Variants in EHD3 observed in about 807,000 individuals in gnomAD.
The protein encoded by EHD3 is EH domain-containing protein 3.
A neutral mutation model predicts 43.0 loss-of-function variants in EHD3; 17 were observed. The observed-to-expected ratio is 0.40, with a 90% CI of 0.27 to 0.59. EHD3 has a LOEUF of 0.59. Ranked by LOEUF, EHD3 falls within the 20% of genes least tolerant of loss-of-function variation. The pLI is 0.49. For missense variants in EHD3, 594 were observed against 705.6 expected, an observed-to-expected ratio of 0.84 and a Z score of 1.79; for synonymous variants, 313 against 289.5, an observed-to-expected ratio of 1.08 and a Z score of -0.82.
At chr2:31,261,304 A>C (rs1446891326) in intron 4 of EHD3, among the ~76,000 whole-genome samples, 1 of 152,178 alleles carries the variant, frequency 6.6e-6, no homozygotes, top group Non-Finnish European at 1.5e-5. Flanking sequence ...CAGCAGCAAC[A>C]TGACCACCTC....
intron 3 of EHD3, among the ~76,000 whole-genome samples, chr2:31,257,149 T>G (rs685524): frequency 0.76 from 116,053 of 152,092 alleles, 44,945 homozygotes; most frequent in East Asian, 0.94. Context: ...TTGTGGAGGG[T>G]CCCTACTGCC....
In EHD3 at chr2:31,239,448, G is replaced by A. The variant is rs116141265; in HGVS notation, c.227+4600G>A. Among the ~76,000 whole-genome samples, 1,040 of 152,340 alleles carry A rather than the reference G, an allele frequency of 6.8e-3. 13 individuals carry two copies. The highest frequency in any genetic ancestry group is 0.024 in the African/African-American group (989 of 41,582). On this transcript the variant is annotated intron_variant, in intron 1 of 5. Coordinates refer to ENST00000322054, the MANE Select transcript of EHD3 (RefSeq NM_014600.3). ...GCCTTAGGCCAGAGGAACTGTGTCC[G>A]CGTGCCTCGGCCTGGCTTAGGGGCT...
At chr2:31,240,227 C>G (rs1232079430) in intron 1 of EHD3, among the ~76,000 whole-genome samples, 1 of 152,228 alleles carries the variant, frequency 6.6e-6, no homozygotes, top group Non-Finnish European at 1.5e-5. Flanking sequence ...TCATCCTGGA[C>G]TCAGTCTGTC....
At chr2:31,254,664 G>A (rs548074833) in intron 3 of EHD3, among the ~76,000 whole-genome samples, 2 of 152,254 alleles carry the variant, frequency 1.3e-5, no homozygotes, top group East Asian at 3.9e-4. Flanking sequence ...TGTACCCACC[G>A]CAAGTAAGTG....
chr2:31,265,024 T>A (rs1309021755), intron 5 of EHD3, among the ~76,000 whole-genome samples: 9 of 152,184 alleles, frequency 5.9e-5, no homozygotes, highest in Non-Finnish European at 1.3e-4. Context: ...CTACACAGGG[T>A]CAGCATCATC....
intron 3 of EHD3, among the ~76,000 whole-genome samples, chr2:31,252,610 G>A (rs1271635009): frequency 1.3e-5 from 2 of 152,194 alleles, no homozygotes; most frequent in African/African-American, 2.4e-5. Flanking sequence ...GAGTAGCTGG[G>A]ACGACAGGCA....
At chr2:31,254,617 T>C (rs927943666) in intron 3 of EHD3, among the ~76,000 whole-genome samples, 1 of 152,224 alleles carries the variant, frequency 6.6e-6, no homozygotes, top group East Asian at 1.9e-4. Context: ...CTTTAAATCT[T>C]GACGGAGATT....
chr2:31,254,222 G>T (rs1181696071), intron 3 of EHD3, among the ~76,000 whole-genome samples: 1 of 152,110 alleles, frequency 6.6e-6, no homozygotes, highest in Non-Finnish European at 1.5e-5. Flanking sequence ...AGCACAGGGG[G>T]TAGGAATGAG....
Position 31,242,867 on chromosome 2 carries a change from G to A in EHD3, c.228-1407G>A, listed in dbSNP as rs535494945. ...CCCAGCTACTCGGGAGGCTGAGGCAGAAGCATCACTTGAACCTGGGAGGCG... is the reference window on the plus strand; with the variant it reads ...CCCAGCTACTCGGGAGGCTGAGGCAAAAGCATCACTTGAACCTGGGAGGCG... On this transcript the variant is annotated intron_variant, in intron 1 of 5. Coordinates refer to ENST00000322054, the MANE Select transcript of EHD3 (RefSeq NM_014600.3). Among the ~76,000 whole-genome samples, 118 of 152,278 alleles carry A rather than the reference G, an allele frequency of 7.7e-4. 1 individual carries two copies. The highest frequency in any genetic ancestry group is 2.1e-3 in the Admixed American group (32 of 15,298).
rs777501539 is a variant in EHD3 at position 31,266,533 on chromosome 2, T to C, written c.1437T>C (p.Ser479=). The C allele has an allele frequency of 9.9e-5, 160 of 1,613,892 alleles. 1 individual carries two copies. The highest frequency in any genetic ancestry group is 1.3e-4 in the Non-Finnish European group (153 of 1,180,032). Residue 479 remains serine, a synonymous_variant, in exon 6 of 6, where the codon AGT becomes AGC. Transcript: ENST00000322054. This position sits in a 1 kb window ranked among gnomAD's most constrained non-coding sequence, Gnocchi z 5.1. ...KEMVRSKLPN[S]VLGKIWKLAD... ...TGGTGCGCTCCAAGCTGCCCAACAG[T>C]GTGCTGGGCAAGATCTGGAAGCTGG...
rs752728902 is a variant in EHD3 at position 31,249,389 on chromosome 2, A to C, written c.423A>C (p.Leu141=). Reference sequence around the variant, plus strand: ...CATGCAGGTTCGTGTGTGCCCAGCTACCTAACCCTGTGCTGGAGAGCATCA... The same window carrying C: ...CATGCAGGTTCGTGTGTGCCCAGCTCCCTAACCCTGTGCTGGAGAGCATCA... ...AFLNRFVCAQ[L]PNPVLESISV... is the part of the protein sequence containing the mutation. The change falls in exon 3 of 6, where the codon CTA becomes CTC. Residue 141 remains leucine (L), a synonymous_variant. Coordinates refer to ENST00000322054, the MANE Select transcript of EHD3 (RefSeq NM_014600.3). 2 of 1,614,172 alleles carry C rather than the reference A, an allele frequency of 1.2e-6. No individual in the cohort carries two copies. The highest frequency in any genetic ancestry group is 2.2e-5 in the East Asian group (1 of 44,874).
chr2:31,249,597 G>C (rs1011219491), intron 3 of EHD3, 129 bp downstream of exon 3: 1 of 809,008 alleles, frequency 1.2e-6, no homozygotes, highest in East Asian at 2.7e-5. Flanking sequence ...CTCCTGTGCT[G>C]TGTGGGATCA....
chr2:31,258,097 A>G, intron 3 of EHD3, among the ~76,000 whole-genome samples: 1 of 152,212 alleles, frequency 6.6e-6, no homozygotes, highest in East Asian at 1.9e-4. Flanking sequence ...TTCATTGAGC[A>G]GCTGACAGAT....
In EHD3 at chr2:31,260,496, C is replaced by T. The variant is rs772207764; in HGVS notation, c.503-14C>T. The stretch of plus-strand genomic sequence containing the variant: ...CCCAAAGGCCCCAGCCCCTGATTGT[C>T]CCTCTGCCGGCAGGGTATGACTTTG... On this transcript the variant is annotated splice_polypyrimidine_tract_variant and intron_variant, in intron 3 of 5. Transcript: ENST00000322054. The surrounding 1 kb of genome is among the most constrained non-coding windows in gnomAD (Gnocchi z 4.6). The T allele has an allele frequency of 6.3e-7, 1 of 1,580,614 alleles. No individual in the cohort carries two copies. Among genetic ancestry groups the T allele is most frequent in the East Asian group, 2.3e-5 (1 of 44,436 alleles).
In EHD3 at chr2:31,264,016, C is replaced by G. The variant is rs144092926; in HGVS notation, c.1081-2161C>G. Among the ~76,000 whole-genome samples the G allele has an allele frequency of 9.2e-5, 14 of 152,368 alleles. No homozygotes were observed. In the East Asian group the frequency reaches 2.3e-3, roughly 25 times the overall value. ...GGCATGCCCACCTGCCTGCCTGTGC[C>G]TGCTGTGTCAAACCCTCGGGGACAG... is the stretch of plus-strand genomic sequence containing the variant. On this transcript the variant is annotated intron_variant, in intron 5 of 5. Transcript: ENST00000322054.
At position 31,268,633 on chromosome 2, in the gene EHD3, G is replaced by A. The variant is rs1208852216; in HGVS notation, c.*1929G>A. ...GAGTGAAGATGTTCCCTAAGCCCCT[G>A]GGCTTCCTTCTGCAAATACACATTT... is the stretch of plus-strand genomic sequence containing the variant. On this transcript the variant is annotated 3_prime_UTR_variant, in exon 6 of 6. Coordinates refer to ENST00000322054, the MANE Select transcript of EHD3 (RefSeq NM_014600.3). 2 of 152,196 alleles carry A rather than the reference G, an allele frequency of 1.3e-5. No homozygotes were observed. Among genetic ancestry groups the A allele is most frequent in the Non-Finnish European group, 2.9e-5 (2 of 68,052 alleles). 9.4% of individuals were successfully genotyped at this position (152,196 alleles called of 1,614,324 possible).
chr2:31,239,178 G>C (rs984778992), intron 1 of EHD3, among the ~76,000 whole-genome samples: 1 of 152,192 alleles, frequency 6.6e-6, no homozygotes, highest in Non-Finnish European at 1.5e-5. Context: ...CACTGCGCCG[G>C]GAAAGATGGT....
intron 3 of EHD3, among the ~76,000 whole-genome samples, chr2:31,253,983 A>C (rs1004680074): frequency 6.6e-6 from 1 of 152,260 alleles, no homozygotes; most frequent in South Asian, 2.1e-4. Context: ...GCTGCTTCCC[A>C]GCTAGAAATC....
intron 1 of EHD3, among the ~76,000 whole-genome samples, chr2:31,243,260 G>A (rs1346502553): frequency 2.0e-5 from 3 of 151,914 alleles, no homozygotes; most frequent in Non-Finnish European, 2.9e-5. Context: ...CCTGGGCGAC[G>A]GAATGACACT....
Sources: allele counts gnomAD v4.1 joint callset (sites outside exome capture counted in the v4.1 genomes callset), GRCh38; gene constraint gnomAD v4.1.1; non-coding constraint Gnocchi (gnomAD v3.1); transcripts MANE v1.5; gene names NCBI Gene and HGNC (gene_info 2026-07-23, HGNC 2026-07-21).